TMCC3: variants seen among roughly 807,000 people sequenced by gnomAD.
The protein encoded by TMCC3 is transmembrane and coiled-coil domain family 3.
Under a neutral mutation model 40.2 loss-of-function variants are expected in TMCC3, and 28 were observed. That is an observed-to-expected ratio of 0.70 (90% CI 0.52 to 0.95). The LOEUF (loss-of-function observed/expected upper bound fraction) is 0.95. TMCC3 is among the 40% of genes least tolerant of loss of function. The pLI is 0.00. For missense variants in TMCC3, 554 were observed against 615.2 expected (o/e 0.90, Z 1.05); for synonymous variants, 255 against 248.5 (o/e 1.03, Z -0.25).
chr12:94,588,825 AT>A (rs77963963), intron 1 of TMCC3, among the ~76,000 whole-genome samples: 7,078 of 141,530 alleles, frequency 0.05, 178 homozygotes, highest in Middle Eastern at 0.098. Flanking sequence ...TCGGTATGAG[AT>A]TTTTTTTTTT....
At chr12:94,625,321 C>T (rs1005485726) in intron 1 of TMCC3, among the ~76,000 whole-genome samples, 6 of 151,852 alleles carry the variant, frequency 4.0e-5, no homozygotes, top group Non-Finnish European at 7.4e-5. Context: ...GGCGTAGTGG[C>T]TCATTCCTGT....
chr12:94,609,427 CCA>C (rs946459632), intron 1 of TMCC3, among the ~76,000 whole-genome samples: 7 of 152,154 alleles, frequency 4.6e-5, no homozygotes, highest in Admixed American at 1.3e-4. Context: ...TTCACCTCTC[CCA>C]CACAGTCACT....
chr12:94,644,238 A>G (rs962891741), intron 1 of TMCC3, among the ~76,000 whole-genome samples: 9 of 152,188 alleles, frequency 5.9e-5, no homozygotes, highest in Non-Finnish European at 1.3e-4. Context: ...GATTCACAGT[A>G]CAGTGATTCA....
At chr12:94,597,153 AT>A (rs1566322297) in intron 1 of TMCC3, among the ~76,000 whole-genome samples, 22 of 18,300 alleles carry the variant, frequency 1.2e-3, no homozygotes, top group Middle Eastern at 0.062. Flanking sequence ...ATATATATAT[AT>A]ATATGTATAT....
chr12:94,607,817 C>T lies in TMCC3; in HGVS notation c.79-25279G>A, dbSNP rs116435218. Among the ~76,000 whole-genome samples, 444 of 152,326 alleles carry T rather than the reference C, an allele frequency of 2.9e-3. 2 individuals are homozygous for T. Among genetic ancestry groups the T allele is most frequent in the African/African-American group, 0.01 (418 of 41,572 alleles). ...AGTCCACCTACCTTAATCAGCATTTCGAAATGTTAGGGGACCATCTGTTCA... is the reference window on the plus strand; with the variant it reads ...AGTCCACCTACCTTAATCAGCATTTTGAAATGTTAGGGGACCATCTGTTCA... On this transcript the variant is annotated intron_variant, in intron 1 of 3. Transcript: ENST00000261226.
intron 1 of TMCC3, among the ~76,000 whole-genome samples, chr12:94,584,602 A>G (rs1328159113): frequency 6.6e-6 from 1 of 151,404 alleles, no homozygotes; most frequent in African/African-American, 2.4e-5. Flanking sequence ...GAGGGAGCAC[A>G]GCAGCACAGT....
intron 1 of TMCC3, among the ~76,000 whole-genome samples, chr12:94,605,492 A>G (rs1340454552): frequency 6.6e-6 from 1 of 152,182 alleles, no homozygotes; most frequent in Non-Finnish European, 1.5e-5. Flanking sequence ...TGCTGGGATC[A>G]TGTAATTTGG....
chr12:94,581,577 A>G (rs2068601409), intron 2 of TMCC3, 45 bp downstream of exon 2: 1 of 1,200,810 alleles, frequency 8.3e-7, no homozygotes, highest in Non-Finnish European at 1.1e-6. Flanking sequence ...AAAAAAATAA[A>G]TAAATAAAAA....
At position 94,570,196 on chromosome 12, in the gene TMCC3, T is replaced by G. The variant is rs1447524686; in HGVS notation, c.*1239A>C. ...TTCTCAAAGACGATGCTCTCAATCT[T>G]CATCCAGGTGAACTGCTCCCACTAA... On this transcript the variant is annotated 3_prime_UTR_variant, in exon 4 of 4. Transcript: ENST00000261226. 2 of 152,220 alleles carry G rather than the reference T, an allele frequency of 1.3e-5. No individual in the cohort carries two copies. The highest frequency in any genetic ancestry group is 2.9e-5 in the Non-Finnish European group (2 of 68,050). The allele number at this position is 152,220 out of a possible 1,614,324, so 9.4% of individuals were successfully genotyped here. A position where few individuals can be genotyped will look rare whatever the true frequency, so the allele number is the denominator to read the frequency against.
intron 1 of TMCC3, among the ~76,000 whole-genome samples, chr12:94,620,405 A>G (rs920692651): frequency 1.3e-5 from 2 of 151,202 alleles, no homozygotes; most frequent in Non-Finnish European, 2.9e-5. Context: ...CTCCTGCCTC[A>G]GCCTCCCGAG....
chr12:94,578,590 C>A, intron 2 of TMCC3, 61 bp from the exon 3 acceptor site: 4 of 1,541,802 alleles, frequency 2.6e-6, no homozygotes, highest in Non-Finnish European at 3.5e-6. Flanking sequence ...GGAACGATGT[C>A]CTTTTTATCT....
chr12:94,633,308 G>A (rs1293910584), intron 1 of TMCC3, among the ~76,000 whole-genome samples: 1 of 152,168 alleles, frequency 6.6e-6, no homozygotes, highest in Non-Finnish European at 1.5e-5. Context: ...GAAGCAGGAA[G>A]AGAGAAAGGC....
At chr12:94,641,199 CAAAA>C (rs112330938) in intron 1 of TMCC3, among the ~76,000 whole-genome samples, 1 of 142,974 alleles carries the variant, frequency 7.0e-6, no homozygotes, top group Non-Finnish European at 1.5e-5. Flanking sequence ...GACCCTGTCT[CAAAA>C]AAAAAAAGAA....
chr12:94,601,464 C>G (rs2068751719), intron 1 of TMCC3, among the ~76,000 whole-genome samples: 1 of 151,586 alleles, frequency 6.6e-6, no homozygotes. Context: ...ATTGCAGTGA[C>G]CCGAGATCAT....
chr12:94,642,013 C>T (rs1437502664), intron 1 of TMCC3, among the ~76,000 whole-genome samples: 1 of 151,902 alleles, frequency 6.6e-6, no homozygotes. Context: ...CCCCAAAAAC[C>T]TGTAAATAAA....
At chr12:94,594,321 G>C (rs1251968484) in intron 1 of TMCC3, among the ~76,000 whole-genome samples, 1 of 151,880 alleles carries the variant, frequency 6.6e-6, no homozygotes, top group Non-Finnish European at 1.5e-5. Flanking sequence ...TTGAACTCCT[G>C]GGCTCAAGTT....
chr12:94,603,460 T>C (rs911215667), intron 1 of TMCC3, among the ~76,000 whole-genome samples: 1 of 152,132 alleles, frequency 6.6e-6, no homozygotes, highest in Non-Finnish European at 1.5e-5. Context: ...AACAAGTCGT[T>C]AAAAACCATA....
intron 1 of TMCC3, among the ~76,000 whole-genome samples, chr12:94,595,710 T>A (rs1310542637): frequency 1.3e-5 from 2 of 152,184 alleles, no homozygotes; most frequent in Non-Finnish European, 2.9e-5. Flanking sequence ...GAAAAACTGA[T>A]CAACAGTCAT....
chr12:94,572,388 G>A (rs1020924641), intron 3 of TMCC3, among the ~76,000 whole-genome samples: 2 of 132,494 alleles, frequency 1.5e-5, no homozygotes, highest in Non-Finnish European at 1.5e-5. Flanking sequence ...TCGGCTCACT[G>A]CAACCTCTGC....
Sources: gnomAD v4.1 joint callset for allele counts (sites outside exome capture counted in the v4.1 genomes callset) on GRCh38, gnomAD v4.1.1 for gene constraint, MANE v1.5 for transcripts, NCBI Gene and HGNC (gene_info 2026-07-23, HGNC 2026-07-21) for gene names.